Variants in SPMAP2L observed in about 807,000 individuals in gnomAD.
SPMAP2L encodes sperm microtubule associated protein 2 like, also known as sperm microtubule associated protein 2-like.
At chr4:56,531,296 C>T in the SPMAP2L span, 2 of 1,294,256 alleles carry the variant, frequency 1.5e-6, no homozygotes, top group Non-Finnish European at 2.1e-6. Flanking sequence ...AAGAGCTTGC[C>T]ATATTGAAAA....
the SPMAP2L span, among the ~76,000 whole-genome samples, chr4:56,539,266 C>T: frequency 2.0e-5 from 3 of 152,170 alleles, no homozygotes; most frequent in African/African-American, 4.8e-5. Context: ...ACATGGATTC[C>T]TTCCTTGAAG....
the SPMAP2L span, among the ~76,000 whole-genome samples, chr4:56,543,886 G>C: frequency 7.7e-6 from 1 of 129,658 alleles, no homozygotes; most frequent in Non-Finnish European, 1.6e-5. Flanking sequence ...GAGAGAGAGA[G>C]AGAGAGAGAG....
chr4:56,530,750 C>G, the SPMAP2L span: 6 of 1,535,402 alleles, frequency 3.9e-6, no homozygotes, highest in Non-Finnish European at 5.2e-6. Context: ...ACAGAAATAT[C>G]CACTTGCTCC....
the SPMAP2L span, chr4:56,594,975 G>A: frequency 1.3e-5 from 21 of 1,609,146 alleles, no homozygotes; most frequent in South Asian, 2.2e-4. Context: ...ATTGGCGTAA[G>A]AAATACCTTG....
At chr4:56,557,767 A>T in the SPMAP2L span, 1 of 152,290 alleles carries the variant, frequency 6.6e-6, no homozygotes, top group Non-Finnish European at 1.5e-5. Context: ...ATGGATAAAG[A>T]TCCTATCCTC....
chr4:56,558,263 G>A, the SPMAP2L span, among the ~76,000 whole-genome samples: 2 of 152,128 alleles, frequency 1.3e-5, no homozygotes, highest in East Asian at 1.9e-4. Context: ...GAGCCACCAC[G>A]TCCAGCCACC....
the SPMAP2L span, among the ~76,000 whole-genome samples, chr4:56,598,998 C>T: frequency 6.6e-6 from 1 of 152,014 alleles, no homozygotes; most frequent in Non-Finnish European, 1.5e-5. Flanking sequence ...GTAAGATGTG[C>T]CTTTGCTCCT....
chr4:56,598,832 CAT>C, the SPMAP2L span, among the ~76,000 whole-genome samples: 1 of 152,100 alleles, frequency 6.6e-6, no homozygotes, highest in African/African-American at 2.4e-5. Flanking sequence ...AATAATCCCA[CAT>C]GTCAAGGGAA....
chr4:56,547,332 G>A, the SPMAP2L span, among the ~76,000 whole-genome samples: 4 of 147,444 alleles, frequency 2.7e-5, no homozygotes, highest in Non-Finnish European at 4.5e-5. Context: ...TGCAACCTCC[G>A]CCTCCCAGGT....
At chr4:56,546,617 A>C in the SPMAP2L span, among the ~76,000 whole-genome samples, 1 of 152,262 alleles carries the variant, frequency 6.6e-6, no homozygotes, top group Admixed American at 6.5e-5. Flanking sequence ...ATAACCTCAA[A>C]AGTGTGTTTT....
At chr4:56,575,815 C>A in the SPMAP2L span, among the ~76,000 whole-genome samples, 1 of 152,156 alleles carries the variant, frequency 6.6e-6, no homozygotes, top group Admixed American at 6.5e-5. Context: ...AGAAGTTCAT[C>A]TTCGGTAATT....
chr4:56,596,866 C>T, the SPMAP2L span, among the ~76,000 whole-genome samples: 7 of 152,200 alleles, frequency 4.6e-5, no homozygotes, highest in African/African-American at 1.4e-4. Flanking sequence ...AGCCTCGTCA[C>T]TACAAGCTCT....
chr4:56,597,442 G>T, the SPMAP2L span, among the ~76,000 whole-genome samples: 162 of 152,078 alleles, frequency 1.1e-3, no homozygotes, highest in South Asian at 2.1e-3. Context: ...ATTCCAATTG[G>T]GTTTTCAAAA....
At chr4:56,615,072 A>ACATGAGC in the SPMAP2L span, among the ~76,000 whole-genome samples, 2 of 152,238 alleles carry the variant, frequency 1.3e-5, no homozygotes, top group African/African-American at 2.4e-5. Context: ...GCCCAGTTCC[A>ACATGAGC]CATGAGGCAA....
At chr4:56,606,560 C>A in the SPMAP2L span, among the ~76,000 whole-genome samples, 1 of 152,144 alleles carries the variant, frequency 6.6e-6, no homozygotes, top group Non-Finnish European at 1.5e-5. Flanking sequence ...TACCCTGGTG[C>A]TCCGGCTATT....
the SPMAP2L span, among the ~76,000 whole-genome samples, chr4:56,557,257 CAAAA>C: frequency 3.1e-3 from 397 of 126,996 alleles, 1 homozygote; most frequent in African/African-American, 0.011. Flanking sequence ...GACTCTGTCT[CAAAA>C]AAAAAAAAAA....
At chr4:56,594,780 A>C in the SPMAP2L span, 10 of 1,523,708 alleles carry the variant, frequency 6.6e-6, no homozygotes, top group Non-Finnish European at 9.1e-6. Context: ...GTGTTTGAAG[A>C]GAACATCAGT....
the SPMAP2L span, among the ~76,000 whole-genome samples, chr4:56,575,227 C>T: frequency 1.8e-4 from 27 of 147,450 alleles, no homozygotes; most frequent in Admixed American, 1.2e-3. Context: ...CCAGTCTGGG[C>T]GACAGAGCGA....
chr4:56,568,543 T>A, the SPMAP2L span, among the ~76,000 whole-genome samples: 1 of 152,160 alleles, frequency 6.6e-6, no homozygotes, highest in African/African-American at 2.4e-5. Flanking sequence ...GGTATATAAT[T>A]TAGTATAAAA....
Sources: gnomAD v4.1 joint callset for allele counts (sites outside exome capture counted in the v4.1 genomes callset) on GRCh38, gnomAD v4.1.1 for gene constraint, MANE v1.5 for transcripts, NCBI Gene and HGNC (gene_info 2026-07-23, HGNC 2026-07-21) for gene names.